EVL: variants seen among roughly 807,000 people sequenced by gnomAD.
The protein encoded by EVL is Enah/Vasp-like.
Under a neutral mutation model 59.6 loss-of-function variants are expected in EVL, and 21 were observed. That is an observed-to-expected ratio of 0.35 (90% CI 0.25 to 0.51). The LOEUF is 0.51. Ranked by LOEUF, EVL falls within the 20% of genes least tolerant of loss-of-function variation. The probability of loss-of-function intolerance (pLI) is 0.97; values close to 1 mark genes in which losing one functional copy is unlikely to be tolerated. For synonymous variants in EVL, 198 were observed against 203.5 expected (o/e 0.97, Z 0.23); for missense variants, 462 against 546.6 (o/e 0.85, Z 1.54).
chr14:100,090,269 C>T (rs1245546216), intron 2 of EVL, among the ~76,000 whole-genome samples: 1 of 152,136 alleles, frequency 6.6e-6, no homozygotes, highest in African/African-American at 2.4e-5. Flanking sequence ...GGGGAAATCA[C>T]TACAGATCCT....
chr14:100,129,072 C>T (rs1888266682), intron 6 of EVL, among the ~76,000 whole-genome samples: 1 of 152,216 alleles, frequency 6.6e-6, no homozygotes, highest in African/African-American at 2.4e-5. Flanking sequence ...ATTTTGGACT[C>T]AAGCCTGGGT....
intron 1 of EVL, among the ~76,000 whole-genome samples, chr14:99,982,334 A>T (rs2060812347): frequency 6.6e-6 from 1 of 152,254 alleles, no homozygotes; most frequent in Admixed American, 6.5e-5. Flanking sequence ...ATAGTCTGTC[A>T]GATGGTATAC....
At chr14:100,020,378 G>A (rs1414962175) in intron 1 of EVL, among the ~76,000 whole-genome samples, 2 of 151,942 alleles carry the variant, frequency 1.3e-5, no homozygotes, top group African/African-American at 2.4e-5. Context: ...GAGTTTCTAA[G>A]AAATGAAAAT....
intron 1 of EVL, among the ~76,000 whole-genome samples, chr14:100,047,348 G>A (rs2061570621): frequency 6.6e-6 from 1 of 151,960 alleles, no homozygotes; most frequent in Non-Finnish European, 1.5e-5. Flanking sequence ...AAAGCAGGAA[G>A]CATAGCCTAT....
intron 1 of EVL, among the ~76,000 whole-genome samples, chr14:100,011,582 CATATTGAGCATATAAGA>C (rs2061017199): frequency 6.6e-6 from 1 of 152,104 alleles, no homozygotes; most frequent in Non-Finnish European, 1.5e-5. Context: ...ATAATGAGTA[CATATTGAGCATATAAGA>C]ATATTGAGCA....
At chr14:100,117,439 G>T (rs904970626) in intron 3 of EVL, among the ~76,000 whole-genome samples, 1 of 152,230 alleles carries the variant, frequency 6.6e-6, no homozygotes, top group Non-Finnish European at 1.5e-5. Flanking sequence ...CTGTCTCTGT[G>T]CCCCGCTTGA....
chr14:100,054,141 G>A (rs932930866), intron 1 of EVL, among the ~76,000 whole-genome samples: 1 of 132,604 alleles, frequency 7.5e-6, no homozygotes, highest in African/African-American at 2.9e-5. Flanking sequence ...CGCAACATCT[G>A]CCTCCCAGGT....
At chr14:100,104,772 C>T (rs571010270) in intron 3 of EVL, among the ~76,000 whole-genome samples, 10 of 152,212 alleles carry the variant, frequency 6.6e-5, no homozygotes, top group African/African-American at 2.4e-4. Flanking sequence ...ACTGCAGGAA[C>T]ATGAGAAAGA....
rs1301633229 is a variant in EVL at position 100,114,097 on chromosome 14, A to C, written c.359-9442A>C. 6.6e-6 allele frequency among the ~76,000 whole-genome samples: 1 copy of C among 152,070 alleles called. No homozygotes were observed. The highest frequency in any genetic ancestry group is 1.9e-4 in the East Asian group (1 of 5,144). On this transcript the variant is annotated intron_variant, in intron 3 of 13. Transcript: ENST00000392920. The surrounding 1 kb of genome is among the most constrained non-coding windows in gnomAD (Gnocchi z 5.0). ...CTTGGATCTAGACAGGCCAGAGAGG[A>C]TGCACCTAAGAGACAGTTTGCAGGA...
intron 1 of EVL, among the ~76,000 whole-genome samples, chr14:100,067,340 T>C: frequency 6.6e-6 from 1 of 152,226 alleles, no homozygotes; most frequent in South Asian, 2.1e-4. Context: ...GCTCTAGCTC[T>C]GGCTACCCAC....
chr14:100,010,788 G>A (rs564823538), intron 1 of EVL, among the ~76,000 whole-genome samples: 1 of 152,334 alleles, frequency 6.6e-6, no homozygotes, highest in Admixed American at 6.5e-5. Flanking sequence ...TGACAGGGAT[G>A]GGTTTGTGAA....
chr14:100,133,151 C>G (rs901766938), intron 8 of EVL, among the ~76,000 whole-genome samples: 4 of 152,202 alleles, frequency 2.6e-5, no homozygotes, highest in Non-Finnish European at 5.9e-5. Context: ...CTGCCAGAAG[C>G]CCAGAGAGGT....
intron 3 of EVL, among the ~76,000 whole-genome samples, chr14:100,105,154 C>T (rs952987251): frequency 1.3e-5 from 2 of 152,076 alleles, no homozygotes; most frequent in Non-Finnish European, 2.9e-5. Flanking sequence ...ATGTTTTATT[C>T]AGGACACCTC....
chr14:100,089,467 C>T (rs1009352192), intron 2 of EVL, among the ~76,000 whole-genome samples: 1 of 152,188 alleles, frequency 6.6e-6, no homozygotes, highest in Non-Finnish European at 1.5e-5. Context: ...AAATTAGTAA[C>T]AGAGGGTAAC....
intron 1 of EVL, among the ~76,000 whole-genome samples, chr14:100,010,222 C>T (rs1285174875): frequency 6.6e-6 from 1 of 152,086 alleles, no homozygotes; most frequent in African/African-American, 2.4e-5. Flanking sequence ...GATTTTCTTC[C>T]TTGTTATGCC....
At chr14:100,010,970 T>G (rs954974485) in intron 1 of EVL, among the ~76,000 whole-genome samples, 9 of 152,182 alleles carry the variant, frequency 5.9e-5, no homozygotes, top group African/African-American at 2.2e-4. Context: ...TGGAACATAG[T>G]GCCCTCCTCA....
intron 3 of EVL, chr14:100,106,598 G>A: frequency 2.7e-6 from 1 of 367,034 alleles, no homozygotes; most frequent in Non-Finnish European, 4.8e-6. Context: ...GTACATGTAA[G>A]GCATTATATC....
intron 1 of EVL, among the ~76,000 whole-genome samples, chr14:100,026,103 T>G (rs2061206341): frequency 1.3e-5 from 2 of 151,756 alleles, no homozygotes; most frequent in Admixed American, 1.3e-4. Flanking sequence ...GTACAAAAAT[T>G]AGCCGGGCAT....
intron 1 of EVL, among the ~76,000 whole-genome samples, chr14:100,041,448 C>T (rs899451652): frequency 1.3e-5 from 2 of 152,096 alleles, no homozygotes; most frequent in African/African-American, 2.4e-5. Context: ...AGAATGTGGG[C>T]AGAAGGAGGG....
Sources: gnomAD v4.1 joint callset for allele counts (sites outside exome capture counted in the v4.1 genomes callset) on GRCh38, gnomAD v4.1.1 for gene constraint, Gnocchi (gnomAD v3.1) non-coding constraint, MANE v1.5 for transcripts, NCBI Gene and HGNC (gene_info 2026-07-23, HGNC 2026-07-21) for gene names.